Variants in WDR86 observed in about 807,000 individuals in gnomAD.
The protein encoded by WDR86 is WD repeat-containing protein 86.
Under a neutral mutation model 36.5 loss-of-function variants are expected in WDR86, and 30 were observed. That is an observed-to-expected ratio of 0.82 (90% CI 0.61 to 1.11). The LOEUF is 1.11. Among genes scored for constraint, WDR86 ranks in the 50% most tolerant of loss-of-function variants. The pLI is 0.00. For synonymous variants in WDR86, 255 were observed against 252.9 expected (o/e 1.01, Z -0.08); for missense variants, 545 against 561.2 (o/e 0.97, Z 0.29).
chr7:151,397,612 C>T (rs1040224760), intron 2 of WDR86, among the ~76,000 whole-genome samples: 2 of 141,892 alleles, frequency 1.4e-5, no homozygotes, highest in Non-Finnish European at 3.0e-5. Context: ...CTGCAAAGTG[C>T]GGGAGGAAGA....
chr7:151,399,409 G>A (rs1043213099), intron 2 of WDR86, among the ~76,000 whole-genome samples: 6 of 152,110 alleles, frequency 3.9e-5, no homozygotes, highest in East Asian at 3.9e-4. Flanking sequence ...GCCAGCCTGC[G>A]CCAGCCCTGT....
At chr7:151,385,457 C>T (rs1798905919) in intron 3 of WDR86, among the ~76,000 whole-genome samples, 2 of 152,222 alleles carry the variant, frequency 1.3e-5, no homozygotes, top group South Asian at 2.1e-4. Flanking sequence ...CGCCCAGCCC[C>T]ACACTGCCCT....
chr7:151,386,058 G>A (rs1044385996), intron 3 of WDR86, among the ~76,000 whole-genome samples: 3 of 152,114 alleles, frequency 2.0e-5, no homozygotes, highest in Non-Finnish European at 4.4e-5. Flanking sequence ...CAGGCTTCAT[G>A]CCCCAGAGAG....
chr7:151,380,792 C>T (rs970450242), downstream of WDR86, among the ~76,000 whole-genome samples: 1 of 151,604 alleles, frequency 6.6e-6, no homozygotes, highest in Non-Finnish European at 1.5e-5. Flanking sequence ...GCCCCCACCC[C>T]TCCTTCCACT....
chr7:151,406,324 C>T lies in WDR86; in HGVS notation c.163+3103G>A, dbSNP rs902015629. Among the ~76,000 whole-genome samples, 7 of 152,150 alleles carry T rather than the reference C, an allele frequency of 4.6e-5. No homozygotes were observed. In the East Asian group the frequency reaches 5.8e-4, roughly 13 times the overall value. Reference sequence around the variant, plus strand: ...TTGGCCCAAACTTTCCTAAGCTCTGCGAGACACCCAGGAAAGCCTGCGGTC... The same window carrying T: ...TTGGCCCAAACTTTCCTAAGCTCTGTGAGACACCCAGGAAAGCCTGCGGTC... On this transcript the variant is annotated intron_variant, in intron 1 of 5. Transcript: ENST00000334493. This position sits in a 1 kb window ranked among gnomAD's most constrained non-coding sequence, Gnocchi z 4.4.
Position 151,409,944 on chromosome 7 carries a change from C to T in WDR86, c.-355G>A. 2 of 1,042,608 alleles carry T rather than the reference C, an allele frequency of 1.9e-6. No homozygotes were observed. Among genetic ancestry groups the T allele is most frequent in the African/African-American group, 1.7e-5 (1 of 59,444 alleles). 64.6% of individuals were successfully genotyped at this position (1,042,608 alleles called of 1,614,324 possible). ...CGTCTCTGGTGCACAAGGAGCCCCC[C>T]GCCTCCTCTCGCGCCCACGGGGCTG... On this transcript the variant is annotated 5_prime_UTR_variant, in exon 1 of 6. Transcript: ENST00000334493. The surrounding 1 kb of genome is among the most constrained non-coding windows in gnomAD (Gnocchi z 5.2).
chr7:151,380,343 G>A (rs1046834452), downstream of WDR86, among the ~76,000 whole-genome samples: 5 of 152,296 alleles, frequency 3.3e-5, no homozygotes, highest in South Asian at 2.1e-4. Flanking sequence ...GGCCCCGGCC[G>A]TCTCTGATGA....
chr7:151,371,359 C>T (rs1258354081), downstream of WDR86, among the ~76,000 whole-genome samples: 1 of 42,768 alleles, frequency 2.3e-5, no homozygotes, highest in African/African-American at 8.0e-5. Context: ...TGTCTTTTAC[C>T]CCCACCCCCC....
At chr7:151,391,645 C>T (rs78466675) in intron 3 of WDR86, among the ~76,000 whole-genome samples, 4,198 of 152,238 alleles carry the variant, frequency 0.028, 204 homozygotes, top group African/African-American at 0.096. Context: ...CTTCCCCACC[C>T]TGTGAAGGGA....
In WDR86 at chr7:151,409,867, T is replaced by G; in HGVS notation, c.-278A>C. On this transcript the variant is annotated 5_prime_UTR_variant, in exon 1 of 6. Transcript: ENST00000334493. The surrounding 1 kb of genome is among the most constrained non-coding windows in gnomAD (Gnocchi z 5.2). Reference sequence around the variant, plus strand: ...GGGCGCGCGGGCAGAGAGAACCCCCTTCCCAGCACCGCTCGGAGGATCCAC... The same window carrying G: ...GGGCGCGCGGGCAGAGAGAACCCCCGTCCCAGCACCGCTCGGAGGATCCAC... The G allele has an allele frequency of 1.9e-5, 22 of 1,167,426 alleles. No homozygotes were observed. Among genetic ancestry groups the G allele is most frequent in the Middle Eastern group, 7.0e-4 (2 of 2,874 alleles). The allele number at this position is 1,167,426 out of a possible 1,614,324, so 72.3% of individuals were successfully genotyped here. A position where few individuals can be genotyped will look rare whatever the true frequency, so the allele number is the denominator to read the frequency against.
chr7:151,377,121 C>T, downstream of WDR86: 1 of 1,586,614 alleles, frequency 6.3e-7, no homozygotes, highest in Non-Finnish European at 8.6e-7. Flanking sequence ...CATTCCAGAG[C>T]ATGAGGAAGA....
At chr7:151,400,302 C>T in intron 1 of WDR86, 61 bp from the exon 2 acceptor site, 1 of 1,463,652 alleles carries the variant, frequency 6.8e-7, no homozygotes. Flanking sequence ...TGCTTTTCTT[C>T]TGGGAACAAT....
chr7:151,373,141 C>T (rs1037117247), downstream of WDR86, among the ~76,000 whole-genome samples: 2 of 152,134 alleles, frequency 1.3e-5, no homozygotes, highest in Admixed American at 1.3e-4. Context: ...AGGATCAGGT[C>T]TCTGGAAGGA....
At chr7:151,369,019 T>C in the WDR86 span, 2 of 1,083,394 alleles carry the variant, frequency 1.8e-6, no homozygotes, top group African/African-American at 3.2e-5. Context: ...GTCCTTTTTT[T>C]TTTCTTGAGA....
chr7:151,394,463 C>T (rs906581555), intron 3 of WDR86, among the ~76,000 whole-genome samples: 3 of 152,248 alleles, frequency 2.0e-5, no homozygotes, highest in African/African-American at 7.2e-5. Flanking sequence ...TCTGCGGCTT[C>T]GCTGAGCATC....
In WDR86 at chr7:151,381,482, C is replaced by G. The variant is rs1426474606; in HGVS notation, c.*100G>C. The G allele has an allele frequency of 6.8e-7, 1 of 1,469,978 alleles. No individual in the cohort carries two copies. The highest frequency in any genetic ancestry group is 2.6e-5 in the Admixed American group (1 of 38,632). The allele number at this position is 1,469,978 out of a possible 1,614,324, so 91.1% of individuals were successfully genotyped here. ...CCCGCCCGGGCTTCCTCGCTCCTCG[C>G]CCCTCGCCGGCCATCGGGCGCCACC... On this transcript the variant is annotated 3_prime_UTR_variant, in exon 6 of 6. Transcript: ENST00000334493. The surrounding 1 kb of genome is among the most constrained non-coding windows in gnomAD (Gnocchi z 4.8).
chr7:151,389,299 G>C (rs928071216), intron 3 of WDR86, among the ~76,000 whole-genome samples: 1 of 152,032 alleles, frequency 6.6e-6, no homozygotes, highest in African/African-American at 2.4e-5. Flanking sequence ...AATGGACCAG[G>C]ACTCTGCGAA....
intron 2 of WDR86, among the ~76,000 whole-genome samples, chr7:151,398,941 G>T (rs62490302): frequency 3.9e-5 from 6 of 151,928 alleles, no homozygotes; most frequent in Non-Finnish European, 7.4e-5. Flanking sequence ...TTCTTTCATG[G>T]CAAACTTCTT....
chr7:151,395,863 G>C lies in WDR86; in HGVS notation c.639C>G (p.Thr213=), dbSNP rs567088669. 2 of 1,596,204 alleles carry C rather than the reference G, an allele frequency of 1.3e-6. No individual in the cohort carries two copies. The highest frequency in any genetic ancestry group is 1.7e-5 in the Admixed American group (1 of 58,344). Residue 213 remains threonine (T), a synonymous_variant, in exon 3 of 6, where the codon ACC becomes ACG. Coordinates refer to ENST00000334493, the MANE Select transcript of WDR86 (RefSeq NM_198285.3). The part of the protein sequence containing the change: ...TPGHTAFTGS[T]DATIRAWDIL... Reference sequence around the variant, plus strand: ...TGTCCCAGGCACGGATGGTGGCGTCGGTGCTGCCTGTGAAGGCCGTGTGGC... The same window carrying C: ...TGTCCCAGGCACGGATGGTGGCGTCCGTGCTGCCTGTGAAGGCCGTGTGGC...
Sources: allele counts gnomAD v4.1 joint callset (sites outside exome capture counted in the v4.1 genomes callset), GRCh38; gene constraint gnomAD v4.1.1; non-coding constraint Gnocchi (gnomAD v3.1); transcripts MANE v1.5; gene names NCBI Gene and HGNC (gene_info 2026-07-23, HGNC 2026-07-21).